SLC35F1: variants seen among roughly 807,000 people sequenced by gnomAD.
SLC35F1 encodes the protein solute carrier family 35 member F1.
Under a neutral mutation model 48.7 loss-of-function variants are expected in SLC35F1, and 14 were observed. The ratio of observed to expected loss-of-function variants is 0.29; its 90% CI spans 0.19 to 0.45. The LOEUF (loss-of-function observed/expected upper bound fraction) is 0.45, where lower values mean the gene tolerates loss of function less well. SLC35F1 is among the 20% of genes least tolerant of loss of function. SLC35F1 has a pLI of 1.00. For missense variants in SLC35F1, 404 were observed against 500.0 expected (o/e 0.81, Z 1.83); for synonymous variants, 190 against 202.2 (o/e 0.94, Z 0.51).
At chr6:118,277,276 G>A (rs1333292700) in intron 5 of SLC35F1, among the ~76,000 whole-genome samples, 2 of 152,176 alleles carry the variant, frequency 1.3e-5, no homozygotes, top group Admixed American at 6.6e-5. Flanking sequence ...GCGCCCCAGG[G>A]CCCCGTGGCA....
At chr6:118,031,965 T>A (rs915075344) in intron 1 of SLC35F1, among the ~76,000 whole-genome samples, 1 of 152,214 alleles carries the variant, frequency 6.6e-6, no homozygotes, top group Admixed American at 6.5e-5. Context: ...TCAATTTGGT[T>A]TGGTATTCAA....
chr6:118,126,522 C>G (rs6569002), intron 1 of SLC35F1, among the ~76,000 whole-genome samples: 6 of 151,140 alleles, frequency 4.0e-5, no homozygotes, highest in African/African-American at 1.2e-4. Flanking sequence ...GTGAAGAAAG[C>G]CATTGGTAGC....
At chr6:117,948,725 G>A (rs971574561) in intron 1 of SLC35F1, among the ~76,000 whole-genome samples, 1 of 152,094 alleles carries the variant, frequency 6.6e-6, no homozygotes, top group African/African-American at 2.4e-5. Flanking sequence ...TTATAATATA[G>A]GCTGATGTGT....
intron 1 of SLC35F1, among the ~76,000 whole-genome samples, chr6:118,025,388 A>C (rs992541518): frequency 1.3e-5 from 2 of 152,218 alleles, no homozygotes; most frequent in African/African-American, 4.8e-5. Flanking sequence ...TACCAAGGGT[A>C]CATGCTATCA....
intron 2 of SLC35F1, among the ~76,000 whole-genome samples, chr6:118,167,764 A>G (rs1774340155): frequency 6.6e-6 from 1 of 152,144 alleles, no homozygotes; most frequent in African/African-American, 2.4e-5. Context: ...CTTAAAAATT[A>G]AGTAATTTCA....
intron 7 of SLC35F1, among the ~76,000 whole-genome samples, chr6:118,312,661 A>G (rs1776384491): frequency 6.6e-6 from 1 of 152,194 alleles, no homozygotes; most frequent in African/African-American, 2.4e-5. Flanking sequence ...ACTACTGCAA[A>G]AAGAAAGAAA....
intron 2 of SLC35F1, among the ~76,000 whole-genome samples, chr6:118,225,221 C>T (rs1775199781): frequency 6.6e-6 from 1 of 152,176 alleles, no homozygotes; most frequent in Non-Finnish European, 1.5e-5. Flanking sequence ...AGAGGCATCA[C>T]ACTACCTGAC....
intron 2 of SLC35F1, among the ~76,000 whole-genome samples, chr6:118,221,449 A>G (rs570095811): frequency 1.3e-5 from 2 of 152,196 alleles, no homozygotes; most frequent in Admixed American, 6.5e-5. Flanking sequence ...AAATAAGGAC[A>G]TGGAAGTAAT....
At chr6:118,291,728 T>C (rs376773373) in intron 7 of SLC35F1, among the ~76,000 whole-genome samples, 2 of 152,134 alleles carry the variant, frequency 1.3e-5, no homozygotes, top group Admixed American at 6.5e-5. Context: ...AAAGGGATAG[T>C]TGGAAATCAC....
chr6:118,276,221 A>T (rs1775916266), intron 5 of SLC35F1, among the ~76,000 whole-genome samples: 1 of 152,218 alleles, frequency 6.6e-6, no homozygotes, highest in Non-Finnish European at 1.5e-5. Context: ...ATCCCTGACT[A>T]TTGCCTCAGA....
intron 1 of SLC35F1, among the ~76,000 whole-genome samples, chr6:117,915,735 G>A (rs969282891): frequency 1.3e-5 from 2 of 152,162 alleles, no homozygotes; most frequent in African/African-American, 4.8e-5. Flanking sequence ...GATCAGAGAT[G>A]TGCCCAAATA....
intron 1 of SLC35F1, among the ~76,000 whole-genome samples, chr6:118,076,487 G>A (rs1772819956): frequency 6.6e-6 from 1 of 152,136 alleles, no homozygotes; most frequent in African/African-American, 2.4e-5. Context: ...ATGGCAGAAG[G>A]CAAAGAGGAA....
intron 1 of SLC35F1, among the ~76,000 whole-genome samples, chr6:117,987,460 T>G (rs2114855014): frequency 1.3e-5 from 2 of 152,020 alleles, no homozygotes; most frequent in Middle Eastern, 6.8e-3. Context: ...CCCTTCTCCT[T>G]TTCTTATCCT....
intron 1 of SLC35F1, among the ~76,000 whole-genome samples, chr6:118,135,642 T>C (rs1194077042): frequency 6.6e-6 from 1 of 152,230 alleles, no homozygotes; most frequent in Non-Finnish European, 1.5e-5. Flanking sequence ...ATACACAGAT[T>C]AAACACCTGC....
chr6:117,954,162 A>G (rs1179757297), intron 1 of SLC35F1, among the ~76,000 whole-genome samples: 1 of 152,246 alleles, frequency 6.6e-6, no homozygotes, highest in Non-Finnish European at 1.5e-5. Flanking sequence ...ATCATGGATT[A>G]TGAAAGCAGT....
At chr6:117,973,746 G>T (rs1776673155) in intron 1 of SLC35F1, among the ~76,000 whole-genome samples, 2 of 152,018 alleles carry the variant, frequency 1.3e-5, no homozygotes, top group Non-Finnish European at 1.5e-5. Flanking sequence ...TTGTTTTATA[G>T]AAACTATACT....
chr6:118,054,787 C>CT (rs66505707), intron 1 of SLC35F1, among the ~76,000 whole-genome samples: 146,943 of 150,004 alleles, frequency 0.98, 72,038 homozygotes, highest in Middle Eastern at 1. Context: ...TCTTTTCTTT[C>CT]TTTTTTTTTG....
chr6:118,307,672 G>A (rs1171208773), intron 7 of SLC35F1, among the ~76,000 whole-genome samples: 1 of 152,178 alleles, frequency 6.6e-6, no homozygotes, highest in Non-Finnish European at 1.5e-5. Context: ...GCCAAAATTA[G>A]GAGGTCAGGC....
intron 1 of SLC35F1, among the ~76,000 whole-genome samples, chr6:117,965,876 A>C (rs6937496): frequency 0.78 from 118,877 of 151,908 alleles, 46,687 homozygotes; most frequent in South Asian, 0.89. Context: ...AATCAGCGCT[A>C]TGTCTAACTG....
Sources: gnomAD v4.1 joint callset for allele counts (sites outside exome capture counted in the v4.1 genomes callset) on GRCh38, gnomAD v4.1.1 for gene constraint, MANE v1.5 for transcripts, NCBI Gene and HGNC (gene_info 2026-07-23, HGNC 2026-07-21) for gene names.